IL6R: variants seen among roughly 807,000 people sequenced by gnomAD.
IL6R encodes the protein interleukin 6 receptor.
Under a neutral mutation model 48.3 loss-of-function variants are expected in IL6R, and 38 were observed. The ratio of observed to expected loss-of-function variants is 0.79; its 90% confidence interval spans 0.61 to 1.03. IL6R has a LOEUF of 1.03. IL6R is among the 50% of genes least tolerant of loss of function. The pLI, the probability that IL6R is intolerant of heterozygous loss-of-function variation, is 0.00. For synonymous variants in IL6R, 264 were observed against 256.2 expected, an observed-to-expected ratio of 1.03 and a Z score of -0.29; for missense variants, 534 against 618.3, an observed-to-expected ratio of 0.86 and a Z score of 1.45.
chr1:154,456,453 C>A (rs146124076), intron 9 of IL6R, among the ~76,000 whole-genome samples: 4 of 151,946 alleles, frequency 2.6e-5, no homozygotes, highest in African/African-American at 9.7e-5. Flanking sequence ...ATGATCCGCC[C>A]GCCTCCGCCT....
At chr1:154,453,883 G>A (rs1217689292) in intron 8 of IL6R, among the ~76,000 whole-genome samples, 1 of 152,218 alleles carries the variant, frequency 6.6e-6, no homozygotes, top group Non-Finnish European at 1.5e-5. Context: ...AGACAGGAGA[G>A]AAGAGGGAAC....
At chr1:154,452,781 A>T (rs1219800383) in intron 8 of IL6R, among the ~76,000 whole-genome samples, 1 of 151,492 alleles carries the variant, frequency 6.6e-6, no homozygotes, top group African/African-American at 2.4e-5. Flanking sequence ...CAGTGAGCCG[A>T]GACAGCGCCA....
intron 8 of IL6R, among the ~76,000 whole-genome samples, chr1:154,451,344 C>G (rs958858584): frequency 5.9e-5 from 9 of 151,998 alleles, no homozygotes; most frequent in Non-Finnish European, 8.8e-5. Context: ...ATGGTGAAAC[C>G]CCATCTCTAC....
chr1:154,458,042 C>T (rs1691011073), intron 9 of IL6R, among the ~76,000 whole-genome samples: 1 of 149,072 alleles, frequency 6.7e-6, no homozygotes, highest in African/African-American at 2.5e-5. Flanking sequence ...TCTTGGCTCA[C>T]TGCAACCTCC....
intron 1 of IL6R, among the ~76,000 whole-genome samples, chr1:154,419,256 T>G (rs1031444748): frequency 1.3e-5 from 2 of 152,152 alleles, no homozygotes; most frequent in African/African-American, 4.8e-5. Flanking sequence ...GCAGGGTAAG[T>G]GTCCCAGTTG....
chr1:154,430,760 T>C lies in IL6R; in HGVS notation c.458+154T>C, dbSNP rs139345049. ...AGATGAGAGGGAACTGAGATTTACA[T>C]TTGACTGCCCCCCCTGAGCTAGGCA... On this transcript the variant is annotated intron_variant, in intron 3 of 9. Transcript: ENST00000368485. 6.6e-4 allele frequency among the ~76,000 whole-genome samples: 101 copies of C among 152,320 alleles called. 1 individual carries two copies. Among genetic ancestry groups the C allele is most frequent in the African/African-American group, 2.3e-3 (95 of 41,570 alleles).
At chr1:154,430,671 G>A in intron 3 of IL6R, 65 bp downstream of exon 3, 2 of 1,598,468 alleles carry the variant, frequency 1.3e-6, no homozygotes, top group Non-Finnish European at 1.7e-6. Flanking sequence ...CCCAGAGAGG[G>A]GCTGGTTCAG....
chr1:154,445,062 C>T (rs1690141454), intron 6 of IL6R: 1 of 456,092 alleles, frequency 2.2e-6, no homozygotes, highest in African/African-American at 2.0e-5. Context: ...TCTCCACAGA[C>T]CATCCCGGGT....
chr1:154,437,417 A>AT lies in IL6R; in HGVS notation c.949+1320dup, dbSNP rs71586015. 0.34 allele frequency: 109,742 copies of AT among 318,450 alleles called. 10,426 individuals are homozygous for AT. The highest frequency in any genetic ancestry group is 0.46 in the Admixed American group (12,699 of 27,772). The allele number at this position is 318,450 out of a possible 1,614,324, so 19.7% of individuals were successfully genotyped here. A position where few individuals can be genotyped will look rare whatever the true frequency, so the allele number is the denominator to read the frequency against. On this transcript the variant is annotated intron_variant, in intron 6 of 9. Transcript: ENST00000368485. ...CGGTCGGAAATTTTTTTTAACTTAA[A>AT]TTTTTTTTTTTTTGAAGACAGGCTT... is the stretch of plus-strand genomic sequence containing the variant.
At chr1:154,431,156 G>T (rs1420017575) in intron 3 of IL6R, among the ~76,000 whole-genome samples, 1 of 152,194 alleles carries the variant, frequency 6.6e-6, no homozygotes. Flanking sequence ...GGGGCCGTGG[G>T]GGGAGAAGTC....
At chr1:154,438,447 CA>C (rs1369061772) in intron 6 of IL6R, among the ~76,000 whole-genome samples, 2 of 151,710 alleles carry the variant, frequency 1.3e-5, no homozygotes, top group African/African-American at 4.8e-5. Flanking sequence ...ACTTTGGGGT[CA>C]AATGTTTCTA....
intron 1 of IL6R, among the ~76,000 whole-genome samples, chr1:154,416,185 A>G (rs959042227): frequency 2.6e-5 from 4 of 151,920 alleles, no homozygotes; most frequent in Non-Finnish European, 4.4e-5. Context: ...GCTGGAGTGC[A>G]GTGTCTTGAT....
chr1:154,463,528 CCCT>C (rs1205686297), intron 9 of IL6R, among the ~76,000 whole-genome samples: 1 of 152,134 alleles, frequency 6.6e-6, no homozygotes, highest in Admixed American at 6.5e-5. Flanking sequence ...CATTGGTTTC[CCCT>C]CCTCTTTCCC....
chr1:154,418,487 T>TGGG, intron 1 of IL6R: 1 of 852,648 alleles, frequency 1.2e-6, no homozygotes, highest in Non-Finnish European at 1.4e-6. Flanking sequence ...AATACATATG[T>TGGG]GGGGGAGGAG....
At chr1:154,454,452 C>G in intron 8 of IL6R, 36 bp from the exon 9 acceptor site, 72 of 1,316,230 alleles carry the variant, frequency 5.5e-5, no homozygotes, top group Middle Eastern at 1.8e-4. Flanking sequence ...ATATTCTCCT[C>G]TTCCTCCTCT....
At chr1:154,409,803 G>A (rs1266224769) in intron 1 of IL6R, among the ~76,000 whole-genome samples, 2 of 152,132 alleles carry the variant, frequency 1.3e-5, no homozygotes, top group Non-Finnish European at 2.9e-5. Flanking sequence ...TTAAGTATGT[G>A]GTATGCTAGC....
intron 3 of IL6R, 80 bp downstream of exon 3, chr1:154,430,686 T>C: frequency 5.8e-6 from 9 of 1,543,912 alleles, no homozygotes; most frequent in Non-Finnish European, 8.0e-6. Context: ...GTTCAGGTGA[T>C]TTCAAAACAT....
intron 4 of IL6R, 124 bp from the exon 5 acceptor site, chr1:154,434,866 G>A: frequency 8.2e-7 from 1 of 1,216,510 alleles, no homozygotes; most frequent in Non-Finnish European, 1.1e-6. Flanking sequence ...GCAGGCCCTT[G>A]TGGAGCTGTG....
At chr1:154,431,294 T>TGGTCTCCATCCCAGAGCCAC (rs1553306875) in intron 3 of IL6R, among the ~76,000 whole-genome samples, 1 of 152,184 alleles carries the variant, frequency 6.6e-6, no homozygotes, top group Non-Finnish European at 1.5e-5. Context: ...GCAGTTTTGC[T>TGGTCTCCATCCCAGAGCCAC]GGTCTCCATC....
Sources: gnomAD v4.1 joint callset for allele counts (sites outside exome capture counted in the v4.1 genomes callset) on GRCh38, gnomAD v4.1.1 for gene constraint, MANE v1.5 for transcripts, NCBI Gene and HGNC (gene_info 2026-07-23, HGNC 2026-07-21) for gene names.